FAM90A20: variants seen among roughly 807,000 people sequenced by gnomAD.
FAM90A20 encodes protein FAM90A20.
the FAM90A20 span, chr8:7,297,102 G>A: frequency 1.1e-4 from 169 of 1,502,086 alleles, 3 homozygotes; most frequent in African/African-American, 1.4e-4. Context: ...ACCTGTAAGA[G>A]GCCGCGCATG....
chr8:7,295,991 G>A, the FAM90A20 span, among the ~76,000 whole-genome samples: 1 of 128,480 alleles, frequency 7.8e-6, no homozygotes, highest in Non-Finnish European at 1.5e-5. Flanking sequence ...TCCACACCCA[G>A]GAGCTCCTTG....
At chr8:7,295,676 AC>A in the FAM90A20 span, 1 of 726,060 alleles carries the variant, frequency 1.4e-6, no homozygotes, top group Non-Finnish European at 2.4e-6. Flanking sequence ...GGCCAGAAGT[AC>A]CAGGTGCCCC....
the FAM90A20 span, among the ~76,000 whole-genome samples, chr8:7,296,136 G>T: frequency 9.9e-5 from 13 of 131,396 alleles, 2 homozygotes; most frequent in South Asian, 2.2e-4. Context: ...GGATGGGAAG[G>T]TTGGCACGTG....
chr8:7,296,615 G>T, the FAM90A20 span, among the ~76,000 whole-genome samples: 1 of 135,376 alleles, frequency 7.4e-6, no homozygotes, highest in Non-Finnish European at 1.5e-5. Flanking sequence ...ATTATGGCAA[G>T]CCTGCCAACA....
At chr8:7,297,565 C>T in the FAM90A20 span, 142 of 1,513,850 alleles carry the variant, frequency 9.4e-5, 5 homozygotes, top group South Asian at 6.4e-4. Flanking sequence ...GACTGGGTCC[C>T]TTCCAGATCC....
the FAM90A20 span, chr8:7,296,994 A>T: frequency 3.8e-6 from 5 of 1,314,338 alleles, no homozygotes; most frequent in Non-Finnish European, 5.1e-6. Flanking sequence ...TTGTCTTTGG[A>T]TGTGTTTGAT....
the FAM90A20 span, among the ~76,000 whole-genome samples, chr8:7,295,989 C>G: frequency 1.6e-5 from 2 of 128,292 alleles, no homozygotes; most frequent in East Asian, 4.2e-4. Context: ...GTTCCACACC[C>G]AGGAGCTCCT....
At chr8:7,296,974 T>C in the FAM90A20 span, 760 of 1,150,626 alleles carry the variant, frequency 6.6e-4, 52 homozygotes, top group African/African-American at 1.8e-3. Context: ...AATTTCATGG[T>C]GTGTGCACCT....
the FAM90A20 span, chr8:7,296,319 C>T: frequency 1.1e-5 from 8 of 740,226 alleles, no homozygotes; most frequent in African/African-American, 2.5e-5. Context: ...AGGCTCTCCT[C>T]CACATGTTTT....
At chr8:7,297,751 G>A in the FAM90A20 span, 14 of 1,482,852 alleles carry the variant, frequency 9.4e-6, 2 homozygotes, top group Non-Finnish European at 7.3e-6. Context: ...CTACTGCCCA[G>A]GCCTGCACCA....
At chr8:7,297,337 C>A in the FAM90A20 span, 305 of 1,387,024 alleles carry the variant, frequency 2.2e-4, 92 homozygotes, top group African/African-American at 6.0e-3. Flanking sequence ...CTGAGGGTAG[C>A]TGCCGAGAAG....
chr8:7,297,669 A>T, the FAM90A20 span: 8 of 1,392,176 alleles, frequency 5.7e-6, no homozygotes, highest in Admixed American at 5.1e-5. Flanking sequence ...AGGTCGCCCC[A>T]GATGGGCAGG....
chr8:7,297,334 T>C, the FAM90A20 span: 1 of 1,370,154 alleles, frequency 7.3e-7, no homozygotes, highest in South Asian at 1.2e-5. Flanking sequence ...GCCCTGAGGG[T>C]AGCTGCCGAG....
chr8:7,297,124 C>G, the FAM90A20 span: 57 of 1,513,434 alleles, frequency 3.8e-5, 4 homozygotes, highest in Non-Finnish European at 4.7e-5. Flanking sequence ...ACCCTGTCCT[C>G]TCTGGTCGCT....
the FAM90A20 span, chr8:7,297,519 C>A: frequency 2.6e-6 from 4 of 1,514,912 alleles, 1 homozygote; most frequent in South Asian, 1.1e-5. Context: ...GCCCAGGCTC[C>A]GATTCAGGCT....
At chr8:7,297,796 C>A in the FAM90A20 span, 2 of 1,264,162 alleles carry the variant, frequency 1.6e-6, no homozygotes, top group Non-Finnish European at 2.2e-6. Flanking sequence ...ATGATGGGGC[C>A]CAGCCTCTCA....
chr8:7,295,461 C>A, the FAM90A20 span, among the ~76,000 whole-genome samples: 2 of 109,248 alleles, frequency 1.8e-5, no homozygotes, highest in African/African-American at 1.3e-4. Context: ...ACGGGCTTTG[C>A]GAGGGAACAT....
At chr8:7,297,741 C>T in the FAM90A20 span, 98 of 1,489,594 alleles carry the variant, frequency 6.6e-5, 5 homozygotes, top group Middle Eastern at 9.3e-4. Context: ...CCTTGCCTGC[C>T]TACTGCCCAG....
At chr8:7,297,638 G>A in the FAM90A20 span, 10 of 1,406,212 alleles carry the variant, frequency 7.1e-6, 3 homozygotes, top group African/African-American at 4.3e-5. Context: ...TCCACCAGCC[G>A]CAACCGAACT....
Sources: allele counts gnomAD v4.1 joint callset (sites outside exome capture counted in the v4.1 genomes callset), GRCh38; gene constraint gnomAD v4.1.1; transcripts MANE v1.5; gene names NCBI Gene and HGNC (gene_info 2026-07-23, HGNC 2026-07-21).